Variants in PSG2 observed in about 807,000 individuals in gnomAD.
The protein encoded by PSG2 is pregnancy specific beta-1-glycoprotein 2.
PSG2 carries 49 observed loss-of-function variants against 36.2 expected under a neutral mutation model. The ratio of observed to expected loss-of-function variants is 1.35; its 90% CI spans 1.08 to 1.72. PSG2 has a LOEUF of 1.72. PSG2 is among the 40% of genes most tolerant of loss of function. The pLI, the probability that PSG2 is intolerant of heterozygous loss-of-function variation, is 0.00. For missense variants in PSG2, 605 were observed against 407.2 expected (o/e 1.49, Z -4.18); for synonymous variants, 261 against 155.6 (o/e 1.68, Z -5.04).
At chr19:43,069,090 A>G (rs186721130) in intron 4 of PSG2, among the ~76,000 whole-genome samples, 3,102 of 151,796 alleles carry the variant, frequency 0.02, 141 homozygotes, top group East Asian at 0.095. Flanking sequence ...AAGGGAAATT[A>G]GGAAAAAAAT....
In PSG2 at chr19:43,066,517, C is replaced by G; in HGVS notation, c.*40G>C. On this transcript the variant is annotated splice_region_variant and 3_prime_UTR_variant, in exon 5 of 6. Coordinates refer to ENST00000406487, the MANE Select transcript of PSG2 (RefSeq NM_031246.4). ...AGGATAAGAGAAAAGGCCATCATAC[C>G]TGCCAGTCTTCCTGAAATACAGAAA... is the stretch of plus-strand genomic sequence containing the variant. 6.5e-7 allele frequency: 1 copy of G among 1,548,648 alleles called. No homozygotes were observed. The highest frequency in any genetic ancestry group is 1.1e-5 in the South Asian group (1 of 89,776).
chr19:43,071,087 G>C (rs577589312), intron 4 of PSG2, among the ~76,000 whole-genome samples: 6 of 151,536 alleles, frequency 4.0e-5, no homozygotes, highest in Non-Finnish European at 7.4e-5. Context: ...AGCCTGGCCC[G>C]GGGGAGGCTT....
At chr19:43,070,483 G>T (rs1225924135) in intron 4 of PSG2, among the ~76,000 whole-genome samples, 2 of 151,736 alleles carry the variant, frequency 1.3e-5, no homozygotes, top group East Asian at 3.9e-4. Flanking sequence ...GGCAAATGAG[G>T]TGTGTCTATA....
At chr19:43,071,055 C>T (rs1447433458) in intron 4 of PSG2, among the ~76,000 whole-genome samples, 4 of 151,588 alleles carry the variant, frequency 2.6e-5, no homozygotes, top group African/African-American at 9.8e-5. Context: ...CCCTGAGGCT[C>T]CTTCTCTTCT....
chr19:43,068,849 T>C (rs924865597), intron 4 of PSG2, among the ~76,000 whole-genome samples: 3 of 151,592 alleles, frequency 2.0e-5, no homozygotes, highest in African/African-American at 7.3e-5. Context: ...TTCAACATAG[T>C]GTTGAAAGGT....
At chr19:43,078,838 A>G (rs1012913130) in intron 2 of PSG2, among the ~76,000 whole-genome samples, 2 of 151,610 alleles carry the variant, frequency 1.3e-5, no homozygotes, top group Admixed American at 6.6e-5. Context: ...GACAATGATA[A>G]GAGTGGTTGG....
chr19:43,077,996 T>A (rs1201635918), intron 2 of PSG2, among the ~76,000 whole-genome samples: 2 of 151,552 alleles, frequency 1.3e-5, no homozygotes, highest in African/African-American at 4.9e-5. Context: ...AGGTTGAGGA[T>A]GGAGTCACGA....
intron 1 of PSG2, chr19:43,081,937 ATTATCATTT>A (rs1409695847): frequency 6.6e-6 from 1 of 151,978 alleles, no homozygotes; most frequent in Non-Finnish European, 1.5e-5. Context: ...TATAGTTATT[ATTATCATTT>A]TTCAAAATGT....
chr19:43,075,296 T>A, intron 3 of PSG2, 58 bp downstream of exon 3: 1 of 1,612,924 alleles, frequency 6.2e-7, no homozygotes, highest in Non-Finnish European at 8.5e-7. Context: ...AGGCCTGGCC[T>A]CTGGCCATGT....
rs1142249 is a variant in PSG2 at position 43,081,243 on chromosome 19, G to A, written c.68C>T (p.Ser23Leu). ...GGGCAGGTTCCAGAAGTTTAAAAGTGATGCTAGGAGGTGGAGAGAGCATCA... is the reference window on the plus strand; with the variant it reads ...GGGCAGGTTCCAGAAGTTTAAAAGTAATGCTAGGAGGTGGAGAGAGCATCA... ...IKWKGLLVTASLLNFWNLPTT... is the reference protein window; with the variant it reads ...IKWKGLLVTALLLNFWNLPTT... Residue 23 changes from serine (S) to leucine (L), a missense_variant, in exon 2 of 6, where the codon TCA becomes TTA. Physicochemically the swap from Ser to Leu is moderately radical, Grantham distance 145. Transcript: ENST00000406487. The A allele has an allele frequency of 5.0e-6, 8 of 1,611,196 alleles. No individual in the cohort carries two copies. The highest frequency in any genetic ancestry group is 2.7e-5 in the African/African-American group (2 of 73,940).
At chr19:43,067,772 TA>T (rs1967761226) in intron 4 of PSG2, among the ~76,000 whole-genome samples, 1 of 151,340 alleles carries the variant, frequency 6.6e-6, no homozygotes, top group South Asian at 2.1e-4. Flanking sequence ...ATTAAATCTT[TA>T]AAAGAATGGT....
intron 3 of PSG2, chr19:43,072,362 AG>A: frequency 6.2e-7 from 1 of 1,612,646 alleles, no homozygotes; most frequent in Non-Finnish European, 8.5e-7. Flanking sequence ...GAGGACATTC[AG>A]GGTGACTGGG....
intron 3 of PSG2, among the ~76,000 whole-genome samples, chr19:43,072,923 T>C (rs971921908): frequency 1.9e-4 from 29 of 151,720 alleles, no homozygotes; most frequent in African/African-American, 2.4e-4. Flanking sequence ...CCTCCCAGTC[T>C]CTCCCTAATC....
At chr19:43,079,064 C>A (rs1488718994) in intron 2 of PSG2, among the ~76,000 whole-genome samples, 4 of 151,614 alleles carry the variant, frequency 2.6e-5, no homozygotes, top group Admixed American at 2.0e-4. Context: ...AGGAAGGGAA[C>A]AGAACAGCCA....
intron 2 of PSG2, among the ~76,000 whole-genome samples, chr19:43,076,541 TG>T (rs2122911125): frequency 6.6e-6 from 1 of 151,912 alleles, no homozygotes; most frequent in East Asian, 1.9e-4. Flanking sequence ...GACCAATATT[TG>T]GGAAGAAGTC....
chr19:43,070,660 C>T (rs74259598), intron 4 of PSG2, among the ~76,000 whole-genome samples: 2 of 151,442 alleles, frequency 1.3e-5, no homozygotes, highest in Admixed American at 6.6e-5. Flanking sequence ...TACATAGAGA[C>T]AGAAATTAGA....
chr19:43,072,294 GC>G, intron 3 of PSG2: 3 of 1,600,812 alleles, frequency 1.9e-6, no homozygotes, highest in Non-Finnish European at 2.6e-6. Context: ...GAGAGGCCTG[GC>G]CCCTGGTCAT....
intron 4 of PSG2, among the ~76,000 whole-genome samples, chr19:43,067,005 A>C (rs758806492): frequency 6.6e-5 from 10 of 151,404 alleles, no homozygotes; most frequent in Non-Finnish European, 1.5e-4. Flanking sequence ...CAGAAGGCCC[A>C]GGTCAGTGCA....
chr19:43,071,768 T>A lies in PSG2; in HGVS notation c.896A>T (p.Tyr299Phe), dbSNP rs768517806. The A allele has an allele frequency of 6.2e-7, 1 of 1,612,716 alleles. No individual in the cohort carries two copies. Among genetic ancestry groups the A allele is most frequent in the Non-Finnish European group, 8.5e-7 (1 of 1,179,284 alleles). Residue 299 changes from tyrosine (Y) to phenylalanine (F), a missense_variant, in exon 4 of 6, where the codon TAT becomes TTT. Tyr to Phe is a conservative substitution (Grantham distance 22). Coordinates refer to ENST00000406487, the MANE Select transcript of PSG2 (RefSeq NM_031246.4). ...GGCTGAGTTACGAACAGAGCAAACA[T>A]AGAGCCCGCTATGCTTTGTAGTAAT... ...PQITTKHSGL[Y>F]VCSVRNSATG...
Sources: gnomAD v4.1 joint callset for allele counts (sites outside exome capture counted in the v4.1 genomes callset) on GRCh38, gnomAD v4.1.1 for gene constraint, MANE v1.5 for transcripts, NCBI Gene and HGNC (gene_info 2026-07-23, HGNC 2026-07-21) for gene names.